GPR83: variants seen among roughly 807,000 people sequenced by gnomAD.
GPR83 encodes G-protein coupled receptor 72.
A neutral mutation model predicts 28.0 loss-of-function variants in GPR83; 23 were observed. The observed-to-expected ratio is 0.82, with a 90% CI of 0.59 to 1.16. GPR83 has a LOEUF of 1.16. Ranked by LOEUF, GPR83 falls within the 50% of genes most tolerant of loss-of-function variation. GPR83 has a pLI of 0.00. For missense variants in GPR83, 610 were observed against 536.6 expected, an observed-to-expected ratio of 1.14 and a Z score of -1.35; for synonymous variants, 234 against 215.4, an observed-to-expected ratio of 1.09 and a Z score of -0.76.
intron 3 of GPR83, among the ~76,000 whole-genome samples, chr11:94,388,013 G>A (rs10831218): frequency 0.53 from 80,218 of 152,034 alleles, 21,771 homozygotes; most frequent in East Asian, 0.64. Context: ...TGCAAGGCTG[G>A]TTCAACATAT....
intron 2 of GPR83, 38 bp from the exon 3 acceptor site, chr11:94,393,656 T>A: frequency 6.2e-7 from 1 of 1,609,076 alleles, no homozygotes; most frequent in East Asian, 2.2e-5. Context: ...ACTGAAGACG[T>A]TTTGGAGCAA....
rs1944910656 is a variant in GPR83 at position 94,401,339 on chromosome 11, G to C, written c.-92C>G. Reference sequence around the variant, plus strand: ...GCGCAGCCGGGGTGCGGGGCGCACAGCATACAAGGCCGTCCCGAGGAGCCA... The same window carrying C: ...GCGCAGCCGGGGTGCGGGGCGCACACCATACAAGGCCGTCCCGAGGAGCCA... On this transcript the variant is annotated 5_prime_UTR_variant, in exon 1 of 4. Transcript: ENST00000243673. 7.8e-6 allele frequency: 10 copies of C among 1,277,808 alleles called. No individual in the cohort carries two copies. The South Asian group carries it at 1.4e-4, about 18-fold the overall frequency. 79.2% of individuals were successfully genotyped at this position (1,277,808 alleles called of 1,614,324 possible).
rs1458996963 is a variant in GPR83, at chr11:94,378,446, C to T, written c.*1703G>A. 1.3e-5 allele frequency: 2 copies of T among 152,130 alleles called. No individual in the cohort carries two copies. Among genetic ancestry groups the T allele is most frequent in the Non-Finnish European group, 2.9e-5 (2 of 68,038 alleles). The allele number at this position is 152,130 out of a possible 1,614,324, so 9.4% of individuals were successfully genotyped here. On this transcript the variant is annotated 3_prime_UTR_variant, in exon 4 of 4. Coordinates refer to ENST00000243673, the MANE Select transcript of GPR83 (RefSeq NM_016540.4). The stretch of plus-strand genomic sequence containing the variant: ...TTGTTTAGAGCAGGTGAATTAAGCT[C>T]GATTCTGCCTGACAGGTCTCTTTTC...
intron 3 of GPR83, among the ~76,000 whole-genome samples, chr11:94,391,479 T>C (rs980968308): frequency 1.3e-5 from 2 of 152,190 alleles, no homozygotes; most frequent in African/African-American, 2.4e-5. Context: ...TGGGATCTAA[T>C]TAAACTAAAG....
chr11:94,393,230 T>C (rs1944834604), intron 3 of GPR83, among the ~76,000 whole-genome samples: 1 of 152,184 alleles, frequency 6.6e-6, no homozygotes, highest in Non-Finnish European at 1.5e-5. Context: ...TGCTGATAAT[T>C]ATTGCTTTGT....
intron 1 of GPR83, 53 bp from the exon 2 acceptor site, chr11:94,396,577 C>A: frequency 6.3e-7 from 1 of 1,597,282 alleles, no homozygotes; most frequent in Non-Finnish European, 8.6e-7. Flanking sequence ...ACTTTGACAC[C>A]CATCCCTAGA....
At chr11:94,389,980 C>T (rs1021550225) in intron 3 of GPR83, among the ~76,000 whole-genome samples, 1 of 152,148 alleles carries the variant, frequency 6.6e-6, no homozygotes, top group Non-Finnish European at 1.5e-5. Flanking sequence ...CCATGGAATA[C>T]TATGCAGCCA....
At chr11:94,390,162 G>T (rs1216089743) in intron 3 of GPR83, among the ~76,000 whole-genome samples, 1 of 151,628 alleles carries the variant, frequency 6.6e-6, no homozygotes, top group African/African-American at 2.4e-5. Context: ...ACACACTGGG[G>T]ACTGTTGTGG....
At chr11:94,390,317 A>G (rs1396547683) in intron 3 of GPR83, among the ~76,000 whole-genome samples, 3 of 151,982 alleles carry the variant, frequency 2.0e-5, no homozygotes, top group African/African-American at 4.8e-5. Context: ...CTTAAAATAT[A>G]AAAAAGAAAA....
chr11:94,384,943 C>G (rs1338927320), intron 3 of GPR83, among the ~76,000 whole-genome samples: 2 of 152,218 alleles, frequency 1.3e-5, no homozygotes, highest in Non-Finnish European at 2.9e-5. Flanking sequence ...TGGGAGGCAA[C>G]CCCCAGGAGG....
intron 3 of GPR83, among the ~76,000 whole-genome samples, chr11:94,386,600 AG>A (rs1225785388): frequency 6.6e-6 from 1 of 152,144 alleles, no homozygotes; most frequent in Non-Finnish European, 1.5e-5. Flanking sequence ...ATAATGGTAA[AG>A]GGATCAATTC....
At chr11:94,396,214 C>A (rs1944864737) in intron 2 of GPR83, among the ~76,000 whole-genome samples, 185 bp downstream of exon 2, 1 of 152,120 alleles carries the variant, frequency 6.6e-6, no homozygotes, top group African/African-American at 2.4e-5. Flanking sequence ...GAGTGAAACT[C>A]TGTCTCAAAA....
chr11:94,380,484 G>C lies in GPR83; in HGVS notation c.937C>G (p.Leu313Val), dbSNP rs1036631235. ...LCWFPLNCYV[L>V]LLSSKVIRTN... ...CGGATGACCTTGCTGGACAGGAGGA[G>C]GACGTAGCAGTTGAGGGGGAACCAG... is the stretch of plus-strand genomic sequence containing the variant. The change falls in exon 4 of 4, where the codon CTC becomes GTC. Residue 313 changes from leucine to valine, a missense_variant. Leu to Val is a conservative substitution (Grantham distance 32, BLOSUM62 1). Coordinates refer to ENST00000243673, the MANE Select transcript of GPR83 (RefSeq NM_016540.4). The C allele has an allele frequency of 6.2e-7, 1 of 1,614,170 alleles. No homozygotes were observed. The highest frequency in any genetic ancestry group is 8.5e-7 in the Non-Finnish European group (1 of 1,179,984).
rs571177204 is a variant in GPR83 at position 94,396,418 on chromosome 11, A to G, written c.494T>C (p.Ile165Thr). The G allele has an allele frequency of 5.6e-6, 9 of 1,613,930 alleles. No homozygotes were observed. Among genetic ancestry groups the G allele is most frequent in the Admixed American group, 3.3e-5 (2 of 60,030 alleles). Reference sequence around the variant, plus strand: ...CCTCACCTGGTGGCGATCCACCGCAATGGCTGTCAGTGTCAGTGCTGAGAC... The same window carrying G: ...CCTCACCTGGTGGCGATCCACCGCAGTGGCTGTCAGTGTCAGTGCTGAGAC... ...LHVSALTLTA[I>T]AVDRHQVIMH... The change falls in exon 2 of 4, where the codon ATT (isoleucine) becomes ACT (threonine). Residue 165 changes from isoleucine to threonine, a missense_variant. Coordinates refer to ENST00000243673, the MANE Select transcript of GPR83 (RefSeq NM_016540.4).
intron 3 of GPR83, among the ~76,000 whole-genome samples, chr11:94,383,265 T>A (rs1028001824): frequency 1.1e-4 from 17 of 150,338 alleles, no homozygotes; most frequent in African/African-American, 4.2e-4. Context: ...AAGGTAGAAA[T>A]AAAGAAGCTC....
At chr11:94,383,730 C>T (rs1944717509) in intron 3 of GPR83, among the ~76,000 whole-genome samples, 1 of 152,164 alleles carries the variant, frequency 6.6e-6, no homozygotes, top group Non-Finnish European at 1.5e-5. Flanking sequence ...ACTAGAAAAT[C>T]TAGAAGAAAT....
intron 3 of GPR83, among the ~76,000 whole-genome samples, chr11:94,382,616 C>T (rs544894749): frequency 1.3e-5 from 2 of 152,158 alleles, no homozygotes; most frequent in African/African-American, 4.8e-5. Flanking sequence ...CAATATTAGA[C>T]AGATCAATGA....
chr11:94,400,546 C>CAAA (rs34496676), intron 1 of GPR83, among the ~76,000 whole-genome samples: 4,724 of 117,130 alleles, frequency 0.04, 352 homozygotes, highest in African/African-American at 0.14. Context: ...GGCTGAAAGA[C>CAAA]AAAAAAAAAA....
chr11:94,401,015 T>C lies in GPR83; in HGVS notation c.233A>G (p.Tyr78Cys). ...PTVKALLIVA[Y>C]SFIIVFSLFG... The stretch of plus-strand genomic sequence containing the variant: ...GAGTGAGAAGACAATGATGAAGGAG[T>C]AAGCCACAATGAGCAGGGCTTTCAC... Residue 78 changes from tyrosine to cysteine, a missense_variant, in exon 1 of 4, where the codon TAC (tyrosine) becomes TGC (cysteine). Coordinates refer to ENST00000243673, the MANE Select transcript of GPR83 (RefSeq NM_016540.4). 6.2e-7 allele frequency: 1 copy of C among 1,613,400 alleles called. No homozygotes were observed. Among genetic ancestry groups the C allele is most frequent in the Non-Finnish European group, 8.5e-7 (1 of 1,179,568 alleles).
Sources: allele counts gnomAD v4.1 joint callset (sites outside exome capture counted in the v4.1 genomes callset), GRCh38; gene constraint gnomAD v4.1.1; transcripts MANE v1.5; gene names NCBI Gene and HGNC (gene_info 2026-07-23, HGNC 2026-07-21).